The following GPD2 variants were observed in gnomAD, a reference collection of about 807,000 sequenced individuals.
GPD2 encodes glycerol-3-phosphate dehydrogenase 2.
A neutral mutation model predicts 82.4 loss-of-function variants in GPD2; 54 were observed. The observed-to-expected ratio is 0.66, with a 90% CI of 0.53 to 0.82. The LOEUF (loss-of-function observed/expected upper bound fraction) is 0.82, where lower values mean the gene tolerates loss of function less well. Among genes scored for constraint, GPD2 ranks in the 40% least tolerant of loss-of-function variants. The pLI is 0.00. For missense variants in GPD2, 748 were observed against 896.2 expected, an observed-to-expected ratio of 0.83 and a Z score of 2.11; for synonymous variants, 288 against 306.1, an observed-to-expected ratio of 0.94 and a Z score of 0.62.
chr2:156,481,469 T>A (rs1683728996), intron 2 of GPD2, among the ~76,000 whole-genome samples: 1 of 136,746 alleles, frequency 7.3e-6, no homozygotes, highest in African/African-American at 2.5e-5. Flanking sequence ...TCCCCTCCCC[T>A]TTCCAGCTTT....
chr2:156,555,571 G>A (rs1187601880), intron 8 of GPD2, among the ~76,000 whole-genome samples: 1 of 152,032 alleles, frequency 6.6e-6, no homozygotes, highest in Non-Finnish European at 1.5e-5. Flanking sequence ...TGAACTCTGA[G>A]TGTTCTAATC....
chr2:156,479,780 C>T (rs1327725443), intron 2 of GPD2, among the ~76,000 whole-genome samples: 1 of 152,100 alleles, frequency 6.6e-6, no homozygotes, highest in Non-Finnish European at 1.5e-5. Context: ...GGGCTTTTAG[C>T]GTGGTCTTAG....
At position 156,558,765 on chromosome 2, in the gene GPD2, CTTTTTTT is replaced by C. The variant is rs34524248; in HGVS notation, c.1165+1208_1165+1214del. Among the ~76,000 whole-genome samples the C allele has an allele frequency of 1.0e-3, 42 of 40,884 alleles. No individual in the cohort carries two copies. In the East Asian group the frequency reaches 0.01, roughly 10 times the overall value. The allele number at this position is 40,884 out of a possible 152,430, so 26.8% of individuals were successfully genotyped here. Reference sequence around the variant, plus strand: ...GGTGCCCACCACCACGCCCAGCTAACTTTTTTTTTTTTTTTTTTTTTTTTTTTTTTTA... The same window carrying C: ...GGTGCCCACCACCACGCCCAGCTAACTTTTTTTTTTTTTTTTTTTTTTTTA... On this transcript the variant is annotated intron_variant, in intron 9 of 16. Coordinates refer to ENST00000438166, the MANE Select transcript of GPD2 (RefSeq NM_000408.5).
intron 8 of GPD2, among the ~76,000 whole-genome samples, chr2:156,553,504 T>C (rs1686845198): frequency 6.6e-6 from 1 of 152,044 alleles, no homozygotes; most frequent in African/African-American, 2.4e-5. Context: ...CAAAAATAAA[T>C]AAATAATGTA....
rs757481343 is a variant in GPD2 at position 156,510,840 on chromosome 2, A to C, written c.319A>C (p.Thr107Pro). Reference protein sequence around the residue: ...LVERDDFSSGTSSRSTKLIHG... With the variant: ...LVERDDFSSGPSSRSTKLIHG... ...AGAAAGAGATGATTTCTCATCAGGG[A>C]CCAGCAGCAGAAGCACTAAATTGAT... The change falls in exon 4 of 17, where the codon ACC (threonine) becomes CCC (proline). Residue 107 changes from threonine to proline, a missense_variant. Thr to Pro is a conservative substitution (Grantham distance 38, BLOSUM62 -1). Coordinates refer to ENST00000438166, the MANE Select transcript of GPD2 (RefSeq NM_000408.5). 1 of 1,612,962 alleles carries C rather than the reference A, an allele frequency of 6.2e-7. No individual in the cohort carries two copies. Among genetic ancestry groups the C allele is most frequent in the Non-Finnish European group, 8.5e-7 (1 of 1,179,052 alleles).
intron 2 of GPD2, among the ~76,000 whole-genome samples, chr2:156,492,125 C>CCCAG (rs1684199484): frequency 7.2e-6 from 1 of 138,480 alleles, no homozygotes; most frequent in Non-Finnish European, 1.5e-5. Flanking sequence ...ATTCTCACCA[C>CCCAG]CACTTGGTAT....
chr2:156,438,586 G>A (rs935834067), intron 1 of GPD2, among the ~76,000 whole-genome samples: 29 of 152,280 alleles, frequency 1.9e-4, no homozygotes, highest in African/African-American at 6.5e-4. Flanking sequence ...TAATTTCTCA[G>A]TTTTAGTTTT....
chr2:156,503,097 G>A (rs1184165914), intron 3 of GPD2, among the ~76,000 whole-genome samples: 1 of 152,106 alleles, frequency 6.6e-6, no homozygotes, highest in Admixed American at 6.6e-5. Flanking sequence ...GACAAGTGGT[G>A]CCTTGGCTGT....
chr2:156,498,142 A>G (rs1022967781), intron 3 of GPD2, among the ~76,000 whole-genome samples: 1 of 152,200 alleles, frequency 6.6e-6, no homozygotes, highest in African/African-American at 2.4e-5. Context: ...GCTATGCACT[A>G]AAATATGTAG....
chr2:156,531,216 C>A (rs1260347629), intron 6 of GPD2, among the ~76,000 whole-genome samples: 1 of 152,144 alleles, frequency 6.6e-6, no homozygotes, highest in Non-Finnish European at 1.5e-5. Context: ...TTTTAATTCA[C>A]CCCTGCCCCC....
intron 9 of GPD2, among the ~76,000 whole-genome samples, chr2:156,560,880 C>T (rs1031542387): frequency 1.3e-5 from 2 of 151,894 alleles, no homozygotes; most frequent in Admixed American, 1.3e-4. Context: ...TTATATGCCT[C>T]ATTTTTAAAA....
the GPD2 span, among the ~76,000 whole-genome samples, chr2:156,412,674 A>G: frequency 6.6e-6 from 1 of 152,242 alleles, no homozygotes; most frequent in African/African-American, 2.4e-5. Flanking sequence ...AGCTCAATAA[A>G]TATTAGCTAT....
rs556483223 is a variant in GPD2 at position 156,564,403 on chromosome 2, A to G, written c.1166-4422A>G. 3.3e-5 allele frequency among the ~76,000 whole-genome samples: 5 copies of G among 152,190 alleles called. No homozygotes were observed. The South Asian group carries it at 1.0e-3, about 31-fold the overall frequency. On this transcript the variant is annotated intron_variant, in intron 9 of 16. Coordinates refer to ENST00000438166, the MANE Select transcript of GPD2 (RefSeq NM_000408.5). ...AAAAAACTTTCGTTAGGGTTTAACAATGTACAAAATTTCCACTGTGGGTAA... is the reference window on the plus strand; with the variant it reads ...AAAAAACTTTCGTTAGGGTTTAACAGTGTACAAAATTTCCACTGTGGGTAA...
At position 156,585,327 on chromosome 2, in the gene GPD2, G is replaced by T. The variant is rs985733286; in HGVS notation, c.*2409G>T. The T allele has an allele frequency of 2.0e-5, 3 of 152,306 alleles. No individual in the cohort carries two copies. The highest frequency in any genetic ancestry group is 4.8e-5 in the African/African-American group (2 of 41,368). The allele number at this position is 152,306 out of a possible 1,614,324, so 9.4% of individuals were successfully genotyped here. ...AAACTTGACATCAGTTGATTCTGTTGGGGTCGGGGTGGGTATGCAGGGATT... is the reference window on the plus strand; with the variant it reads ...AAACTTGACATCAGTTGATTCTGTTTGGGTCGGGGTGGGTATGCAGGGATT... On this transcript the variant is annotated 3_prime_UTR_variant, in exon 17 of 17. Transcript: ENST00000438166.
chr2:156,481,964 T>A (rs1267949681), intron 2 of GPD2, among the ~76,000 whole-genome samples: 2 of 152,182 alleles, frequency 1.3e-5, no homozygotes, highest in African/African-American at 4.8e-5. Flanking sequence ...CTCAGCCTCA[T>A]TTTCTCCCTT....
At position 156,583,056 on chromosome 2, in the gene GPD2, T is replaced by A; in HGVS notation, c.*138T>A. 1 of 910,742 alleles carries A rather than the reference T, an allele frequency of 1.1e-6. No individual in the cohort carries two copies. Among genetic ancestry groups the A allele is most frequent in the Non-Finnish European group, 1.8e-6 (1 of 569,454 alleles). The allele number at this position is 910,742 out of a possible 1,614,324, so 56.4% of individuals were successfully genotyped here. ...AACACTAGAAAACATTCCAAAACTT[T>A]AAGGTGTTGGTGTATTTGCCAGCTT... On this transcript the variant is annotated 3_prime_UTR_variant, in exon 17 of 17. Transcript: ENST00000438166.
At chr2:156,513,575 A>G in intron 6 of GPD2, 79 bp downstream of exon 6, 3 of 1,097,772 alleles carry the variant, frequency 2.7e-6, no homozygotes, top group Non-Finnish European at 4.1e-6. Context: ...TCTTAAGGAG[A>G]TAGTTTTGCA....
Position 156,585,247 on chromosome 2 carries a change from T to C in GPD2, c.*2329T>C, listed in dbSNP as rs894367212. 6.6e-6 allele frequency: 1 copy of C among 152,366 alleles called. No homozygotes were observed. Among genetic ancestry groups the C allele is most frequent in the Non-Finnish European group, 1.5e-5 (1 of 67,922 alleles). 9.4% of individuals were successfully genotyped at this position (152,366 alleles called of 1,614,324 possible). On this transcript the variant is annotated 3_prime_UTR_variant, in exon 17 of 17. Coordinates refer to ENST00000438166, the MANE Select transcript of GPD2 (RefSeq NM_000408.5). ...AAGGGAGACAAGCAATAGGGGGGAATAAGCTTCTTCAAAATTCATTCCAAG... is the reference window on the plus strand; with the variant it reads ...AAGGGAGACAAGCAATAGGGGGGAACAAGCTTCTTCAAAATTCATTCCAAG...
chr2:156,416,042 C>CAAAAT, the GPD2 span, among the ~76,000 whole-genome samples: 5 of 97,286 alleles, frequency 5.1e-5, no homozygotes, highest in Non-Finnish European at 1.0e-4. Context: ...AAAACAAAAA[C>CAAAAT]AAAATAAAAT....
Sources: allele counts gnomAD v4.1 joint callset (sites outside exome capture counted in the v4.1 genomes callset), GRCh38; gene constraint gnomAD v4.1.1; transcripts MANE v1.5; gene names NCBI Gene and HGNC (gene_info 2026-07-23, HGNC 2026-07-21).